AGBL4: variants seen among roughly 807,000 people sequenced by gnomAD.
AGBL4 encodes the protein AGBL carboxypeptidase 4.
In AGBL4, 58 loss-of-function variants were observed where a neutral mutation model predicts 66.4. That is an observed-to-expected ratio of 0.87 (90% CI 0.71 to 1.09). The LOEUF is 1.09. AGBL4 is among the 50% of genes least tolerant of loss of function. The pLI is 0.00. For missense variants in AGBL4, 579 were observed against 631.0 expected (o/e 0.92, Z 0.88); for synonymous variants, 234 against 222.9 (o/e 1.05, Z -0.44).
chr1:49,884,962 T>G lies in AGBL4; in HGVS notation c.35-33444A>C, dbSNP rs888123373. 7.2e-5 allele frequency among the ~76,000 whole-genome samples: 11 copies of G among 152,024 alleles called. 1 individual carries two copies. The East Asian group carries it at 2.1e-3, about 29-fold the overall frequency. ...CATCTAGAAATAGACTTTAGGGCTG[T>G]GTAAATTTTTGATATTTAAATGGGT... On this transcript the variant is annotated intron_variant, in intron 1 of 13. Coordinates refer to ENST00000371839, the MANE Select transcript of AGBL4 (RefSeq NM_032785.4).
intron 3 of AGBL4, among the ~76,000 whole-genome samples, chr1:49,493,041 C>T (rs1044453089): frequency 2.6e-5 from 4 of 151,852 alleles, no homozygotes; most frequent in Admixed American, 1.3e-4. Flanking sequence ...TAACACCATC[C>T]GATCTCATGA....
At chr1:49,340,560 G>A (rs1346747215) in intron 3 of AGBL4, among the ~76,000 whole-genome samples, 2 of 152,134 alleles carry the variant, frequency 1.3e-5, no homozygotes, top group East Asian at 3.9e-4. Flanking sequence ...CCAAGAATCA[G>A]AGCATGAAAC....
intron 1 of AGBL4, among the ~76,000 whole-genome samples, chr1:49,968,184 T>C (rs1452955600): frequency 3.3e-5 from 5 of 150,836 alleles, no homozygotes; most frequent in Non-Finnish European, 7.4e-5. Flanking sequence ...TATCGTGCCA[T>C]TGCATTCCGG....
intron 3 of AGBL4, among the ~76,000 whole-genome samples, chr1:49,554,881 T>C (rs978265796): frequency 6.6e-6 from 1 of 151,898 alleles, no homozygotes; most frequent in Non-Finnish European, 1.5e-5. Context: ...CGTCTGGAGT[T>C]GTTCGTTCCT....
At chr1:48,980,764 T>C (rs1400145087) in intron 5 of AGBL4, among the ~76,000 whole-genome samples, 1 of 45,500 alleles carries the variant, frequency 2.2e-5, no homozygotes, top group African/African-American at 6.8e-5. Context: ...TATATATATA[T>C]ATATATATAT....
chr1:49,921,000 G>C (rs913441419), intron 1 of AGBL4, among the ~76,000 whole-genome samples: 5 of 152,080 alleles, frequency 3.3e-5, no homozygotes, highest in African/African-American at 1.2e-4. Flanking sequence ...ACAGAAAACC[G>C]AACACCGCAC....
At chr1:49,003,260 T>G (rs1393576468) in intron 5 of AGBL4, among the ~76,000 whole-genome samples, 1 of 151,716 alleles carries the variant, frequency 6.6e-6, no homozygotes, top group Non-Finnish European at 1.5e-5. Context: ...TAGCTGGGCG[T>G]GGTGGCACAT....
intron 2 of AGBL4, among the ~76,000 whole-genome samples, chr1:49,753,047 T>G (rs1270886558): frequency 6.6e-6 from 1 of 152,218 alleles, no homozygotes; most frequent in Non-Finnish European, 1.5e-5. Context: ...GTCTGTTAAT[T>G]GGGGCATTTA....
At chr1:49,883,545 C>T (rs1238090754) in intron 1 of AGBL4, among the ~76,000 whole-genome samples, 1 of 151,968 alleles carries the variant, frequency 6.6e-6, no homozygotes, top group East Asian at 1.9e-4. Flanking sequence ...CTGTCTCCAC[C>T]CTATGTATGA....
chr1:48,626,224 C>T (rs1251167838), intron 9 of AGBL4, among the ~76,000 whole-genome samples: 1 of 152,210 alleles, frequency 6.6e-6, no homozygotes, highest in Non-Finnish European at 1.5e-5. Flanking sequence ...CAGCTGGCTG[C>T]TGTCTGAACA....
intron 3 of AGBL4, among the ~76,000 whole-genome samples, chr1:49,504,339 C>T (rs1648482556): frequency 6.6e-6 from 1 of 152,104 alleles, no homozygotes; most frequent in Admixed American, 6.6e-5. Flanking sequence ...AGGTATTTCT[C>T]CACAGCAGTG....
At chr1:49,330,886 C>T (rs2148490643) in intron 3 of AGBL4, among the ~76,000 whole-genome samples, 1 of 152,140 alleles carries the variant, frequency 6.6e-6, no homozygotes, top group South Asian at 2.1e-4. Context: ...CGAATTAGGC[C>T]TGATCAGGGA....
rs146175806 is a variant in AGBL4 at position 49,869,797 on chromosome 1, G to A, written c.35-18279C>T. Reference sequence around the variant, plus strand: ...TCTTACGAAGATAAAGAGTGGATTGGTAGTTACTAGAGAACAGGAAGAGAA... The same window carrying A: ...TCTTACGAAGATAAAGAGTGGATTGATAGTTACTAGAGAACAGGAAGAGAA... On this transcript the variant is annotated intron_variant, in intron 1 of 13. Coordinates refer to ENST00000371839, the MANE Select transcript of AGBL4 (RefSeq NM_032785.4). Among the ~76,000 whole-genome samples, 942 of 152,234 alleles carry A rather than the reference G, an allele frequency of 6.2e-3. 16 individuals carry two copies. The highest frequency in any genetic ancestry group is 0.022 in the African/African-American group (911 of 41,540).
At chr1:49,173,292 G>A (rs1043395203) in intron 4 of AGBL4, among the ~76,000 whole-genome samples, 3 of 152,162 alleles carry the variant, frequency 2.0e-5, no homozygotes, top group African/African-American at 4.8e-5. Context: ...AAAAATAATC[G>A]TGTGAAATAG....
At chr1:49,564,914 G>C (rs1644153604) in intron 3 of AGBL4, among the ~76,000 whole-genome samples, 2 of 152,286 alleles carry the variant, frequency 1.3e-5, no homozygotes, top group South Asian at 4.1e-4. Context: ...GGGTGTTAAA[G>C]TCTCCCATTA....
chr1:48,528,129 A>C (rs1643889210), downstream of AGBL4, among the ~76,000 whole-genome samples: 1 of 152,164 alleles, frequency 6.6e-6, no homozygotes, highest in South Asian at 2.1e-4. Context: ...AACTGCTCTA[A>C]ATGATTTATA....
At chr1:49,087,891 C>T (rs777554796) in intron 4 of AGBL4, among the ~76,000 whole-genome samples, 14 of 152,256 alleles carry the variant, frequency 9.2e-5, no homozygotes, top group African/African-American at 2.4e-4. Flanking sequence ...GAGGACCTTT[C>T]GGCAAAAACC....
chr1:49,829,592 T>C (rs1019823369), intron 2 of AGBL4, among the ~76,000 whole-genome samples: 1 of 152,190 alleles, frequency 6.6e-6, no homozygotes, highest in Admixed American at 6.5e-5. Context: ...CTGGAAATCT[T>C]TCCAAAATCA....
At chr1:49,094,250 C>T (rs1184242354) in intron 4 of AGBL4, among the ~76,000 whole-genome samples, 2 of 152,032 alleles carry the variant, frequency 1.3e-5, no homozygotes, top group Non-Finnish European at 2.9e-5. Flanking sequence ...AAGATGTCCA[C>T]GTTCTAATCC....
Sources: gnomAD v4.1 joint callset for allele counts (sites outside exome capture counted in the v4.1 genomes callset) on GRCh38, gnomAD v4.1.1 for gene constraint, MANE v1.5 for transcripts, NCBI Gene and HGNC (gene_info 2026-07-23, HGNC 2026-07-21) for gene names.